ESRRG: variants seen among roughly 807,000 people sequenced by gnomAD.
ESRRG encodes the protein estrogen related receptor gamma, also known as estrogen-related receptor gamma.
ESRRG carries 13 observed loss-of-function variants against 44.0 expected under a neutral mutation model. The observed-to-expected ratio is 0.30, with a 90% confidence interval of 0.19 to 0.47. The LOEUF is 0.47. Among genes scored for constraint, ESRRG ranks in the 20% least tolerant of loss-of-function variants. The probability of loss-of-function intolerance (pLI) is 1.00; values close to 1 mark genes in which losing one functional copy is unlikely to be tolerated. For missense variants in ESRRG, 395 were observed against 580.6 expected, an observed-to-expected ratio of 0.68 and a Z score of 3.29; for synonymous variants, 215 against 214.6, an observed-to-expected ratio of 1.00 and a Z score of -0.02.
intron 1 of ESRRG, among the ~76,000 whole-genome samples, chr1:217,022,011 A>G (rs926931454): frequency 1.3e-5 from 2 of 152,174 alleles, no homozygotes; most frequent in African/African-American, 4.8e-5. Flanking sequence ...CCACCCCACA[A>G]GGGTAAAATA....
intron 1 of ESRRG, among the ~76,000 whole-genome samples, chr1:217,129,050 A>G (rs540332473): frequency 6.6e-6 from 1 of 152,182 alleles, no homozygotes; most frequent in Non-Finnish European, 1.5e-5. Context: ...TGTTAAAAAA[A>G]CCCACAGAAT....
chr1:217,135,949 C>T (rs953671015), intron 1 of ESRRG, among the ~76,000 whole-genome samples: 1 of 152,168 alleles, frequency 6.6e-6, no homozygotes, highest in Admixed American at 6.5e-5. Flanking sequence ...ACTCCCACCC[C>T]CGCCCCCTTT....
chr1:216,820,911 T>C (rs1204967477), intron 2 of ESRRG, among the ~76,000 whole-genome samples: 1 of 152,200 alleles, frequency 6.6e-6, no homozygotes, highest in Non-Finnish European at 1.5e-5. Flanking sequence ...TGTCTACTTA[T>C]CCTCTTTATG....
rs114267281 is a variant in ESRRG at position 216,659,677 on chromosome 1, G to C, written c.473-8588C>G. Among the ~76,000 whole-genome samples, 1,460 of 152,260 alleles carry C rather than the reference G, an allele frequency of 9.6e-3. 26 individuals are homozygous for C. Among genetic ancestry groups the C allele is most frequent in the African/African-American group, 0.033 (1,385 of 41,552 alleles). On this transcript the variant is annotated intron_variant, in intron 2 of 6. Transcript: ENST00000408911. ...TTCCTATTGCTCCTCTCTATGTGCTGCTTCTATCATTTCTTCAGTGAGATG... is the reference window on the plus strand; with the variant it reads ...TTCCTATTGCTCCTCTCTATGTGCTCCTTCTATCATTTCTTCAGTGAGATG...
chr1:216,822,151 A>G (rs1277462731), intron 2 of ESRRG, among the ~76,000 whole-genome samples: 2 of 152,204 alleles, frequency 1.3e-5, no homozygotes, highest in Non-Finnish European at 2.9e-5. Context: ...AAATGAAATA[A>G]TTTGATGGTG....
intron 5 of ESRRG, among the ~76,000 whole-genome samples, chr1:216,532,145 G>A (rs1188253764): frequency 6.7e-6 from 1 of 148,244 alleles, no homozygotes; most frequent in Non-Finnish European, 1.5e-5. Flanking sequence ...AAAAAAAAAA[G>A]CTGCCTGATT....
At chr1:217,133,637 C>CTTTCTTTCTTTCTTTCTTTCTT (rs1553294741) in intron 1 of ESRRG, among the ~76,000 whole-genome samples, 1 of 40,306 alleles carries the variant, frequency 2.5e-5, no homozygotes, top group African/African-American at 1.1e-4. Flanking sequence ...TTCTTTCTCT[C>CTTTCTTTCTTTCTTTCTTTCTT]TCTCTCTCTC....
chr1:217,086,641 C>A (rs574806170), intron 1 of ESRRG, among the ~76,000 whole-genome samples: 1 of 152,276 alleles, frequency 6.6e-6, no homozygotes, highest in African/African-American at 2.4e-5. Context: ...TGTGGTTGAC[C>A]ATTACATAAC....
intron 2 of ESRRG, among the ~76,000 whole-genome samples, chr1:216,876,017 C>A (rs891845231): frequency 6.6e-6 from 1 of 152,140 alleles, no homozygotes. Flanking sequence ...TTTTCTTAAA[C>A]CTTGCCCTTC....
intron 2 of ESRRG, among the ~76,000 whole-genome samples, chr1:216,785,361 G>T (rs983922444): frequency 1.2e-4 from 18 of 152,122 alleles, no homozygotes; most frequent in Admixed American, 6.5e-4. Context: ...GCTGAGCAGG[G>T]TGTAGGAATA....
At position 216,542,911 on chromosome 1, in the gene ESRRG, C is replaced by T. The variant is rs188709093; in HGVS notation, c.862+21308G>A. 3.8e-3 allele frequency among the ~76,000 whole-genome samples: 582 copies of T among 152,088 alleles called. 4 individuals are homozygous for T. The highest frequency in any genetic ancestry group is 0.013 in the African/African-American group (554 of 41,532). ...AAATCTTTCTCAATTAAGTCTACTA[C>T]TTTCTATCTCCCCCTTCCCCCCAAG... On this transcript the variant is annotated intron_variant, in intron 5 of 6. Coordinates refer to ENST00000408911, the MANE Select transcript of ESRRG (RefSeq NM_001438.4).
At chr1:216,575,229 C>T (rs1023642081) in intron 3 of ESRRG, among the ~76,000 whole-genome samples, 1 of 152,044 alleles carries the variant, frequency 6.6e-6, no homozygotes, top group Non-Finnish European at 1.5e-5. Flanking sequence ...CAAGGAGGAT[C>T]TAAGCATATT....
chr1:216,683,273 C>T (rs79364749), intron 1 of ESRRG, among the ~76,000 whole-genome samples: 1 of 152,158 alleles, frequency 6.6e-6, no homozygotes, highest in East Asian at 1.9e-4. Context: ...GAATCCTGAC[C>T]CACACGCTCA....
At chr1:216,550,815 C>T (rs1240661905) in intron 5 of ESRRG, among the ~76,000 whole-genome samples, 1 of 152,170 alleles carries the variant, frequency 6.6e-6, no homozygotes, top group Non-Finnish European at 1.5e-5. Flanking sequence ...CATAAAGAGA[C>T]TCCATTTCTG....
upstream of ESRRG, among the ~76,000 whole-genome samples, chr1:217,094,436 T>A (rs1304861226): frequency 6.7e-6 from 1 of 150,074 alleles, no homozygotes; most frequent in Non-Finnish European, 1.5e-5. Context: ...ACTTTTTGCA[T>A]GTTTCCTGTT....
intron 1 of ESRRG, among the ~76,000 whole-genome samples, chr1:216,944,576 T>A (rs868531214): frequency 9.9e-5 from 15 of 152,202 alleles, no homozygotes; most frequent in African/African-American, 3.6e-4. Flanking sequence ...CCCTGGAGAA[T>A]GAAAGAAGGC....
chr1:217,105,873 C>T (rs1163591029), intron 1 of ESRRG, among the ~76,000 whole-genome samples: 1 of 152,096 alleles, frequency 6.6e-6, no homozygotes, highest in Non-Finnish European at 1.5e-5. Context: ...ACGTTGGAGG[C>T]CATGACATAG....
intron 6 of ESRRG, among the ~76,000 whole-genome samples, chr1:216,515,368 C>T (rs2148850885): frequency 6.6e-6 from 1 of 152,164 alleles, no homozygotes; most frequent in Middle Eastern, 3.4e-3. Flanking sequence ...TCTAAAAAGG[C>T]TCCCCTAATG....
intron 2 of ESRRG, among the ~76,000 whole-genome samples, chr1:216,930,523 T>C (rs2063195665): frequency 6.6e-6 from 1 of 152,188 alleles, no homozygotes; most frequent in Non-Finnish European, 1.5e-5. Context: ...TTTCTAGAGA[T>C]AAGTTTAGTC....
Sources: gnomAD v4.1 joint callset for allele counts (sites outside exome capture counted in the v4.1 genomes callset) on GRCh38, gnomAD v4.1.1 for gene constraint, MANE v1.5 for transcripts, NCBI Gene and HGNC (gene_info 2026-07-23, HGNC 2026-07-21) for gene names.